Variants in PLCB4 observed in about 807,000 individuals in gnomAD.
PLCB4 encodes the protein phospholipase C beta 4.
PLCB4 carries 77 observed loss-of-function variants against 178.8 expected under a neutral mutation model. The ratio of observed to expected loss-of-function variants is 0.43; its 90% CI spans 0.36 to 0.52. PLCB4 has a LOEUF of 0.52. Ranked by LOEUF, PLCB4 falls within the 20% of genes least tolerant of loss-of-function variation. The pLI is 0.00. For missense variants in PLCB4, 1,024 were observed against 1,453.4 expected, an observed-to-expected ratio of 0.70 and a Z score of 4.80; for synonymous variants, 496 against 490.8, an observed-to-expected ratio of 1.01 and a Z score of -0.14.
intron 3 of PLCB4, among the ~76,000 whole-genome samples, chr20:9,218,485 A>G (rs542826660): frequency 6.6e-6 from 1 of 152,328 alleles, no homozygotes; most frequent in South Asian, 2.1e-4. Context: ...ACAAGAGGTC[A>G]TTTTATAGTA....
At chr20:9,347,742 C>T (rs1206061236) in intron 7 of PLCB4, among the ~76,000 whole-genome samples, 2 of 152,148 alleles carry the variant, frequency 1.3e-5, no homozygotes, top group African/African-American at 4.8e-5. Flanking sequence ...GTTTGGGAGG[C>T]TGAGGCAGGT....
intron 4 of PLCB4, among the ~76,000 whole-genome samples, chr20:9,328,812 G>A (rs1013366419): frequency 1.3e-5 from 2 of 152,230 alleles, no homozygotes; most frequent in East Asian, 1.9e-4. Flanking sequence ...AAGCTAGGAC[G>A]TGGACACATC....
At chr20:9,443,936 T>C in intron 30 of PLCB4, 45 bp from the exon 31 acceptor site, 2 of 1,105,356 alleles carry the variant, frequency 1.8e-6, no homozygotes, top group Non-Finnish European at 2.7e-6. Flanking sequence ...TTATTCTCTC[T>C]GATTTTTAGT....
chr20:9,114,076 T>A (rs2091693903), intron 2 of PLCB4, among the ~76,000 whole-genome samples: 1 of 151,872 alleles, frequency 6.6e-6, no homozygotes, highest in South Asian at 2.1e-4. Context: ...TAGCTGGGTG[T>A]GGTGGTGCAC....
intron 2 of PLCB4, among the ~76,000 whole-genome samples, chr20:9,192,117 C>G (rs896706692): frequency 6.6e-6 from 1 of 152,110 alleles, no homozygotes; most frequent in African/African-American, 2.4e-5. Context: ...AACAGTGGGA[C>G]TCAACAAGGT....
chr20:9,338,733 A>G (rs1212499671), intron 6 of PLCB4, among the ~76,000 whole-genome samples, 161 bp from the exon 7 acceptor site: 1 of 152,198 alleles, frequency 6.6e-6, no homozygotes, highest in Admixed American at 6.5e-5. Context: ...CAAGGAATAT[A>G]TAGTGTTACA....
intron 32 of PLCB4, among the ~76,000 whole-genome samples, chr20:9,447,759 C>A (rs114224652): frequency 0.018 from 2,700 of 152,290 alleles, 76 homozygotes; most frequent in African/African-American, 0.06. Context: ...GGATTTGAAC[C>A]AAATTCAGCC....
intron 1 of PLCB4, among the ~76,000 whole-genome samples, chr20:9,078,413 A>C (rs1260731323): frequency 6.6e-6 from 1 of 150,776 alleles, no homozygotes; most frequent in Non-Finnish European, 1.5e-5. Flanking sequence ...TTGAGATGGA[A>C]TGTCACTCTG....
chr20:9,323,276 A>G (rs1165338226), intron 4 of PLCB4, among the ~76,000 whole-genome samples: 1 of 152,120 alleles, frequency 6.6e-6, no homozygotes, highest in Non-Finnish European at 1.5e-5. Flanking sequence ...AAAATATCAC[A>G]TTCTCCAAGA....
At chr20:9,376,231 C>T (rs1403112963) in intron 12 of PLCB4, among the ~76,000 whole-genome samples, 1 of 152,102 alleles carries the variant, frequency 6.6e-6, no homozygotes, top group Non-Finnish European at 1.5e-5. Context: ...ATTAGAAATG[C>T]TCAGTCTTGG....
intron 3 of PLCB4, among the ~76,000 whole-genome samples, chr20:9,275,277 G>T (rs139935745): frequency 2.6e-5 from 4 of 151,966 alleles, no homozygotes; most frequent in Non-Finnish European, 5.9e-5. Context: ...ATCAGATCTC[G>T]CAAGACTTAT....
At chr20:9,357,441 A>G (rs956807099) in intron 7 of PLCB4, among the ~76,000 whole-genome samples, 21 of 152,200 alleles carry the variant, frequency 1.4e-4, no homozygotes, top group Non-Finnish European at 1.6e-4. Flanking sequence ...TCCCAGGGCT[A>G]TCACTATGAG....
At chr20:9,119,119 G>A (rs532380177) in intron 2 of PLCB4, among the ~76,000 whole-genome samples, 7 of 152,206 alleles carry the variant, frequency 4.6e-5, no homozygotes, top group Non-Finnish European at 7.4e-5. Flanking sequence ...ATTTTATTAA[G>A]TACATTTTAT....
At chr20:9,152,577 C>T (rs557647450) in intron 2 of PLCB4, among the ~76,000 whole-genome samples, 58 of 152,284 alleles carry the variant, frequency 3.8e-4, no homozygotes, top group Admixed American at 2.9e-3. Context: ...GAAACTTCAC[C>T]TAGATTTCAG....
chr20:9,082,926 G>C (rs1253282975), intron 1 of PLCB4, among the ~76,000 whole-genome samples: 1 of 152,148 alleles, frequency 6.6e-6, no homozygotes, highest in African/African-American at 2.4e-5. Context: ...CCAGAATCAG[G>C]CTCTCCCAAA....
At chr20:9,205,725 G>A (rs979330811) in intron 2 of PLCB4, among the ~76,000 whole-genome samples, 1 of 152,170 alleles carries the variant, frequency 6.6e-6, no homozygotes, top group African/African-American at 2.4e-5. Flanking sequence ...ACCACAGTCA[G>A]AAATGGAATT....
chr20:9,093,249 T>G (rs2090762523), intron 1 of PLCB4, among the ~76,000 whole-genome samples: 1 of 152,218 alleles, frequency 6.6e-6, no homozygotes, highest in African/African-American at 2.4e-5. Context: ...TGGCTAGAAC[T>G]GTGATTTTCA....
Position 9,307,848 on chromosome 20 carries a change from G to A in PLCB4, c.34G>A (p.Glu12Lys), listed in dbSNP as rs748108248. Residue 12 changes from glutamate to lysine, a missense_variant, in exon 4 of 40, where the codon GAA becomes AAA. Glu to Lys is a moderately conservative substitution (Grantham distance 56). Transcript: ENST00000378473. ...AKPYEFNWQK[E>K]VPSFLQEGAV... ...ACCTTATGAATTTAACTGGCAGAAGGAAGTTCCCTCCTTTTTGCAAGAAGG... is the reference window on the plus strand; with the variant it reads ...ACCTTATGAATTTAACTGGCAGAAGAAAGTTCCCTCCTTTTTGCAAGAAGG... The A allele has an allele frequency of 3.1e-6, 5 of 1,602,026 alleles. No individual in the cohort carries two copies. The highest frequency in any genetic ancestry group is 4.3e-6 in the Non-Finnish European group (5 of 1,170,558).
At chr20:9,444,795 G>T (rs1336200243) in intron 32 of PLCB4, among the ~76,000 whole-genome samples, 1 of 151,914 alleles carries the variant, frequency 6.6e-6, no homozygotes, top group Non-Finnish European at 1.5e-5. Context: ...CTAATAACAT[G>T]ACTATATAAA....
Sources: allele counts gnomAD v4.1 joint callset (sites outside exome capture counted in the v4.1 genomes callset), GRCh38; gene constraint gnomAD v4.1.1; transcripts MANE v1.5; gene names NCBI Gene and HGNC (gene_info 2026-07-23, HGNC 2026-07-21).